Variants in NUBPL observed in about 807,000 individuals in gnomAD.
NUBPL encodes the protein iron-sulfur cluster transfer protein NUBPL.
NUBPL carries 31 observed loss-of-function variants against 45.7 expected under a neutral mutation model. The observed-to-expected ratio is 0.68, with a 90% CI of 0.51 to 0.92. NUBPL has a LOEUF of 0.92. NUBPL is among the 40% of genes least tolerant of loss of function. The pLI, the probability that NUBPL is intolerant of heterozygous loss-of-function variation, is 0.00. For synonymous variants in NUBPL, 144 were observed against 140.9 expected (o/e 1.02, Z -0.15); for missense variants, 401 against 398.7 (o/e 1.01, Z -0.05).
At chr14:31,676,770 TTTTA>T (rs1410477896) in intron 6 of NUBPL, among the ~76,000 whole-genome samples, 10 of 151,542 alleles carry the variant, frequency 6.6e-5, no homozygotes, top group African/African-American at 2.4e-4. Context: ...TATTTTTTAT[TTTTA>T]TTTATTTATT....
intron 7 of NUBPL, among the ~76,000 whole-genome samples, chr14:31,789,162 T>C (rs2138823597): frequency 6.6e-6 from 1 of 152,080 alleles, no homozygotes; most frequent in African/African-American, 2.4e-5. Flanking sequence ...ACATCTCTAC[T>C]GAAAATACAA....
chr14:31,653,047 G>A lies in NUBPL; in HGVS notation c.383-20308G>A, dbSNP rs201365317. Among the ~76,000 whole-genome samples, 26 of 152,250 alleles carry A rather than the reference G, an allele frequency of 1.7e-4. No homozygotes were observed. In the East Asian group the frequency reaches 4.6e-3, roughly 27 times the overall value. ...GACTTCAAAAGGGAAGGGGGTGTACGAACGGGAAGTGGGTCACAAAGATTA... is the reference window on the plus strand; with the variant it reads ...GACTTCAAAAGGGAAGGGGGTGTACAAACGGGAAGTGGGTCACAAAGATTA... On this transcript the variant is annotated intron_variant, in intron 4 of 10. Transcript: ENST00000281081.
At chr14:31,818,912 A>T (rs145448623) in intron 7 of NUBPL, among the ~76,000 whole-genome samples, 63 of 152,334 alleles carry the variant, frequency 4.1e-4, no homozygotes, top group African/African-American at 1.5e-3. Context: ...TTCATTTCTA[A>T]ATTAATAAAA....
chr14:31,651,839 C>T (rs986039036), intron 4 of NUBPL, among the ~76,000 whole-genome samples: 15 of 148,892 alleles, frequency 1.0e-4, no homozygotes, highest in African/African-American at 3.7e-4. Context: ...GCAGAGCTTA[C>T]AGTGAGCTGA....
chr14:31,706,072 T>G (rs2037444520), intron 6 of NUBPL, among the ~76,000 whole-genome samples: 1 of 152,162 alleles, frequency 6.6e-6, no homozygotes, highest in Non-Finnish European at 1.5e-5. Flanking sequence ...GAAGGGCTCC[T>G]CGAGCACAGC....
intron 6 of NUBPL, among the ~76,000 whole-genome samples, chr14:31,689,803 T>A (rs1305880002): frequency 6.6e-6 from 1 of 152,230 alleles, no homozygotes; most frequent in Admixed American, 6.5e-5. Flanking sequence ...GGTTTTACAT[T>A]TAAGTCTTTA....
chr14:31,571,291 T>A (rs1172279921), intron 3 of NUBPL, among the ~76,000 whole-genome samples: 1 of 151,610 alleles, frequency 6.6e-6, no homozygotes, highest in African/African-American at 2.4e-5. Flanking sequence ...CTCCTCTTGA[T>A]GTGCACCTCT....
intron 3 of NUBPL, among the ~76,000 whole-genome samples, chr14:31,569,610 T>C (rs1378075950): frequency 6.6e-6 from 1 of 152,186 alleles, no homozygotes; most frequent in African/African-American, 2.4e-5. Flanking sequence ...AGAGCAAAAT[T>C]TGGGGATCAT....
chr14:31,628,480 T>C (rs1046204707), intron 4 of NUBPL, among the ~76,000 whole-genome samples: 1 of 152,218 alleles, frequency 6.6e-6, no homozygotes, highest in African/African-American at 2.4e-5. Context: ...GCCAAACTCA[T>C]AGTAGGCAGT....
At chr14:31,798,085 G>A (rs568260471) in intron 7 of NUBPL, among the ~76,000 whole-genome samples, 4 of 151,408 alleles carry the variant, frequency 2.6e-5, no homozygotes, top group Non-Finnish European at 4.4e-5. Flanking sequence ...TGGCTTGTAG[G>A]GTTTCTGCCG....
Position 31,599,287 on chromosome 14 carries a change from A to C in NUBPL, c.292-2A>C. ...TTTATATTTTTATTTATTTTTTTAC[A>C]GTCCAAGGCCATTGGTTTGCTAGAT... On this transcript the variant is annotated splice_acceptor_variant, in intron 3 of 10. Coordinates refer to ENST00000281081, the MANE Select transcript of NUBPL (RefSeq NM_025152.3). LOFTEE classifies it high-confidence loss of function. 1 of 1,601,438 alleles carries C rather than the reference A, an allele frequency of 6.2e-7. No individual in the cohort carries two copies. The highest frequency in any genetic ancestry group is 8.5e-7 in the Non-Finnish European group (1 of 1,169,622).
At chr14:31,733,979 T>A (rs2038109864) in intron 6 of NUBPL, among the ~76,000 whole-genome samples, 1 of 152,196 alleles carries the variant, frequency 6.6e-6, no homozygotes, top group Non-Finnish European at 1.5e-5. Flanking sequence ...TATTAATGGC[T>A]ATTGAATTTT....
chr14:31,711,559 T>C (rs1595530025), intron 6 of NUBPL, among the ~76,000 whole-genome samples: 1 of 152,008 alleles, frequency 6.6e-6, no homozygotes, highest in Admixed American at 6.6e-5. Flanking sequence ...CTGGAATTGG[T>C]GGGTTCTTGG....
chr14:31,781,368 C>G (rs1185005003), intron 6 of NUBPL, among the ~76,000 whole-genome samples: 1 of 152,170 alleles, frequency 6.6e-6, no homozygotes, highest in Non-Finnish European at 1.5e-5. Flanking sequence ...ATAATTCAGA[C>G]ATTTAAGGCC....
intron 6 of NUBPL, among the ~76,000 whole-genome samples, chr14:31,744,546 T>C (rs904522782): frequency 5.3e-5 from 8 of 151,912 alleles, no homozygotes; most frequent in Admixed American, 5.3e-4. Flanking sequence ...ATTTAGATTA[T>C]TTTGTAACTG....
chr14:31,848,988 C>T (rs545137150), intron 9 of NUBPL, among the ~76,000 whole-genome samples: 5 of 151,970 alleles, frequency 3.3e-5, no homozygotes, highest in South Asian at 4.2e-4. Context: ...TCCTATAGTC[C>T]GAAGTTGATC....
At chr14:31,846,827 G>A (rs2040460855) in intron 9 of NUBPL, among the ~76,000 whole-genome samples, 1 of 152,056 alleles carries the variant, frequency 6.6e-6, no homozygotes, top group African/African-American at 2.4e-5. Flanking sequence ...GTGGTGGCGG[G>A]CGCCTGCAGT....
chr14:31,655,948 A>G (rs1020564155), intron 4 of NUBPL, among the ~76,000 whole-genome samples: 1 of 152,176 alleles, frequency 6.6e-6, no homozygotes, highest in Non-Finnish European at 1.5e-5. Flanking sequence ...AAGTCCTGGT[A>G]TCTTCTTCCA....
intron 4 of NUBPL, among the ~76,000 whole-genome samples, chr14:31,666,840 G>C (rs1468574992): frequency 6.6e-6 from 1 of 152,006 alleles, no homozygotes; most frequent in East Asian, 1.9e-4. Flanking sequence ...TGAAATTCTG[G>C]GTTGAAAATT....
Sources: gnomAD v4.1 joint callset for allele counts (sites outside exome capture counted in the v4.1 genomes callset) on GRCh38, gnomAD v4.1.1 for gene constraint, MANE v1.5 for transcripts, NCBI Gene and HGNC (gene_info 2026-07-23, HGNC 2026-07-21) for gene names.